The following OPCML variants were observed in gnomAD, a reference collection of about 807,000 sequenced individuals.
OPCML encodes opioid binding protein/cell adhesion molecule like.
A neutral mutation model predicts 37.8 loss-of-function variants in OPCML; 13 were observed. The observed-to-expected ratio is 0.34, with a 90% confidence interval of 0.22 to 0.55. The LOEUF is 0.55. Ranked by LOEUF, OPCML falls within the 20% of genes least tolerant of loss-of-function variation. The pLI, the probability that OPCML is intolerant of heterozygous loss-of-function variation, is 0.91. For synonymous variants in OPCML, 176 were observed against 168.8 expected, an observed-to-expected ratio of 1.04 and a Z score of -0.33; for missense variants, 341 against 435.6, an observed-to-expected ratio of 0.78 and a Z score of 1.93.
intron 4 of OPCML, among the ~76,000 whole-genome samples, chr11:132,438,293 T>C (rs1277175378): frequency 2.6e-5 from 4 of 152,204 alleles, no homozygotes; most frequent in African/African-American, 7.2e-5. Flanking sequence ...TGAGATCCCA[T>C]CAAAACCAAG....
chr11:133,137,893 A>G (rs1486310549), intron 1 of OPCML, among the ~76,000 whole-genome samples: 1 of 152,302 alleles, frequency 6.6e-6, no homozygotes, highest in East Asian at 1.9e-4. Flanking sequence ...GAGGTTTGCA[A>G]ACAGCAAATT....
At chr11:132,429,900 C>G (rs1038082029) in intron 7 of OPCML, among the ~76,000 whole-genome samples, 3 of 152,044 alleles carry the variant, frequency 2.0e-5, no homozygotes, top group Non-Finnish European at 2.9e-5. Flanking sequence ...GGCTGACCCC[C>G]GGGAAGACTG....
chr11:133,021,001 G>A (rs965414884), intron 1 of OPCML, among the ~76,000 whole-genome samples: 12 of 152,088 alleles, frequency 7.9e-5, no homozygotes, highest in Admixed American at 2.6e-4. Flanking sequence ...TTTAACCTAA[G>A]ACACACATGC....
chr11:133,513,732 T>C (rs1320303398), intron 1 of OPCML, among the ~76,000 whole-genome samples: 2 of 152,198 alleles, frequency 1.3e-5, no homozygotes, highest in Admixed American at 6.5e-5. Context: ...AGTGCATAAC[T>C]GATACCTGTT....
intron 4 of OPCML, among the ~76,000 whole-genome samples, chr11:132,470,677 A>G (rs1197956205): frequency 2.0e-5 from 3 of 152,190 alleles, no homozygotes; most frequent in Non-Finnish European, 2.9e-5. Flanking sequence ...CATAGATATC[A>G]TTAGCATCCT....
At chr11:132,708,373 G>A (rs1373596742) in intron 2 of OPCML, among the ~76,000 whole-genome samples, 1 of 152,104 alleles carries the variant, frequency 6.6e-6, no homozygotes, top group Non-Finnish European at 1.5e-5. Context: ...CAAATGTAAG[G>A]GAGTACCCTA....
chr11:133,033,549 C>G (rs1947711350), intron 1 of OPCML, among the ~76,000 whole-genome samples: 1 of 152,224 alleles, frequency 6.6e-6, no homozygotes, highest in South Asian at 2.1e-4. Context: ...TCATTTGCAA[C>G]TTCCAGGGAA....
chr11:132,699,421 G>C (rs1465322102), intron 2 of OPCML, among the ~76,000 whole-genome samples: 1 of 152,018 alleles, frequency 6.6e-6, no homozygotes, highest in Non-Finnish European at 1.5e-5. Flanking sequence ...TCTTTGTCTT[G>C]TTCCTCTTCT....
intron 1 of OPCML, chr11:133,008,768 C>G (rs1224006845): frequency 3.0e-5 from 14 of 460,798 alleles, no homozygotes; most frequent in Admixed American, 6.4e-5. Flanking sequence ...TCCTTTCAGC[C>G]AATTCTGATC....
rs139551513 is a variant in OPCML at position 133,376,876 on chromosome 11, T to C, written c.61+155388A>G. Among the ~76,000 whole-genome samples the C allele has an allele frequency of 7.9e-5, 12 of 152,336 alleles. No homozygotes were observed. In the East Asian group the frequency reaches 2.3e-3, roughly 29 times the overall value. On this transcript the variant is annotated intron_variant, in intron 1 of 7. Coordinates refer to ENST00000524381, the MANE Select transcript of OPCML (RefSeq NM_001012393.5). Reference sequence around the variant, plus strand: ...TTGCATTGAAGGAGAATATAGGACATGTCGGTGTAACCCAGTACAGGATTC... The same window carrying C: ...TTGCATTGAAGGAGAATATAGGACACGTCGGTGTAACCCAGTACAGGATTC...
At position 133,163,781 on chromosome 11, in the gene OPCML, A is replaced by G. The variant is rs796953541; in HGVS notation, c.62-220771T>C. ...TCTCCTTTAATTCCGCTATAATTAT[A>G]CTGGACAGAGAAATAGCAGCTGCGG... On this transcript the variant is annotated intron_variant, in intron 1 of 7. Transcript: ENST00000524381. Among the ~76,000 whole-genome samples, 3 of 152,204 alleles carry G rather than the reference A, an allele frequency of 2.0e-5. No individual in the cohort carries two copies. The South Asian group carries it at 6.2e-4, about 32-fold the overall frequency.
At chr11:132,688,283 G>A (rs979919537) in intron 2 of OPCML, among the ~76,000 whole-genome samples, 1 of 152,068 alleles carries the variant, frequency 6.6e-6, no homozygotes, top group Non-Finnish European at 1.5e-5. Context: ...GAAGTTGAAT[G>A]GATGAGCATA....
At chr11:132,985,837 C>T (rs527448085) in intron 1 of OPCML, among the ~76,000 whole-genome samples, 37 of 152,322 alleles carry the variant, frequency 2.4e-4, no homozygotes, top group African/African-American at 7.9e-4. Flanking sequence ...CTTTTCCCTG[C>T]AGTAAATCAT....
At chr11:133,108,840 T>C (rs1265540712) in intron 1 of OPCML, among the ~76,000 whole-genome samples, 2 of 152,086 alleles carry the variant, frequency 1.3e-5, no homozygotes, top group Non-Finnish European at 2.9e-5. Flanking sequence ...ATGAAACATA[T>C]TTTACTAACC....
chr11:133,054,980 T>C (rs1407316794), intron 1 of OPCML, among the ~76,000 whole-genome samples: 3 of 111,918 alleles, frequency 2.7e-5, no homozygotes, highest in Non-Finnish European at 5.4e-5. Flanking sequence ...AGCACCTCTA[T>C]CGTACAATGC....
chr11:132,883,551 T>C (rs1591751922), intron 2 of OPCML, among the ~76,000 whole-genome samples: 1 of 152,306 alleles, frequency 6.6e-6, no homozygotes, highest in Middle Eastern at 3.4e-3. Context: ...TTTGGAAGAC[T>C]GTCTTATGAA....
chr11:132,450,888 T>C (rs1454072297), intron 4 of OPCML, among the ~76,000 whole-genome samples: 1 of 152,212 alleles, frequency 6.6e-6, no homozygotes, highest in African/African-American at 2.4e-5. Flanking sequence ...GGTTTGATGA[T>C]TTCTAAAAAG....
chr11:133,181,196 T>C (rs11606197), intron 1 of OPCML, among the ~76,000 whole-genome samples: 33,692 of 152,028 alleles, frequency 0.22, 4,603 homozygotes, highest in African/African-American at 0.39. Context: ...CGGGTCATTG[T>C]GGTGTTAAAC....
intron 1 of OPCML, among the ~76,000 whole-genome samples, chr11:133,207,947 T>A (rs1047696514): frequency 5.3e-5 from 8 of 152,162 alleles, no homozygotes; most frequent in African/African-American, 1.7e-4. Flanking sequence ...ATGCTGTGTT[T>A]TTGCCTGAAA....
Sources: allele counts gnomAD v4.1 joint callset (sites outside exome capture counted in the v4.1 genomes callset), GRCh38; gene constraint gnomAD v4.1.1; transcripts MANE v1.5; gene names NCBI Gene and HGNC (gene_info 2026-07-23, HGNC 2026-07-21).